Variants in ZNF276 observed in about 807,000 individuals in gnomAD.
The protein encoded by ZNF276 is centromere protein Z.
ZNF276 carries 59 observed loss-of-function variants against 63.9 expected under a neutral mutation model. The observed-to-expected ratio is 0.92, with a 90% confidence interval of 0.75 to 1.15. The LOEUF (loss-of-function observed/expected upper bound fraction) is 1.15. Ranked by LOEUF, ZNF276 falls within the 50% of genes most tolerant of loss-of-function variation. The pLI is 0.00. For synonymous variants in ZNF276, 496 were observed against 348.4 expected (o/e 1.42, Z -4.72); for missense variants, 1,084 against 843.8 (o/e 1.28, Z -3.53).
Position 89,722,794 on chromosome 16 carries a change from G to A in ZNF276, c.469G>A (p.Val157Ile). Residue 157 changes from valine (V) to isoleucine (I), a missense_variant, in exon 2 of 11, where the codon GTC (valine) becomes ATC (isoleucine). By Grantham distance (29) the Val-to-Ile change is conservative (BLOSUM62 3). Coordinates refer to ENST00000443381, the MANE Select transcript of ZNF276 (RefSeq NM_001113525.2). The stretch of plus-strand genomic sequence containing the variant: ...CCTTCTCAAGTCCTTCCTGCAGAGG[G>A]TCAACGCCTCCCCGGCTGGTCGCCG... ...HSLLKSFLQR[V>I]NASPAGRRKP... is the part of the protein sequence containing the mutation. The A allele has an allele frequency of 6.2e-7, 1 of 1,607,308 alleles. No homozygotes were observed. The highest frequency in any genetic ancestry group is 2.2e-5 in the East Asian group (1 of 44,882).
chr16:89,723,937 C>T (rs1267153228), intron 4 of ZNF276, among the ~76,000 whole-genome samples: 1 of 152,238 alleles, frequency 6.6e-6, no homozygotes, highest in African/African-American at 2.4e-5. Flanking sequence ...GGGCTCTGTT[C>T]CAGCAGTTTC....
rs2062084426 is a variant in ZNF276 at position 89,739,904 on chromosome 16, A to T, written c.*1658A>T. ...AGCTTATAAACTTACTTAGCAAGGAACCTCAAGGAGGGCTCGTTCTTAACC... is the reference window on the plus strand; with the variant it reads ...AGCTTATAAACTTACTTAGCAAGGATCCTCAAGGAGGGCTCGTTCTTAACC... On this transcript the variant is annotated 3_prime_UTR_variant, in exon 11 of 11. Coordinates refer to ENST00000443381, the MANE Select transcript of ZNF276 (RefSeq NM_001113525.2). 6.3e-7 allele frequency: 1 copy of T among 1,581,168 alleles called. No individual in the cohort carries two copies. Among genetic ancestry groups the T allele is most frequent in the African/African-American group, 1.4e-5 (1 of 73,774 alleles).
chr16:89,725,601 C>G (rs1011936938), intron 4 of ZNF276, among the ~76,000 whole-genome samples: 1 of 151,926 alleles, frequency 6.6e-6, no homozygotes. Context: ...ACCATCCTGA[C>G]TAACACGGTG....
intron 4 of ZNF276, among the ~76,000 whole-genome samples, chr16:89,724,498 C>T (rs1185459423): frequency 3.9e-5 from 6 of 152,150 alleles, no homozygotes; most frequent in Non-Finnish European, 8.8e-5. Context: ...AATACAAAAA[C>T]TAGCCAGGTA....
At position 89,739,838 on chromosome 16, in the gene ZNF276, C is replaced by A. The variant is rs998766911; in HGVS notation, c.*1592C>A. 1.3e-5 allele frequency: 20 copies of A among 1,494,630 alleles called. No individual in the cohort carries two copies. The Admixed American group carries it at 4.2e-4, about 31-fold the overall frequency. 92.6% of individuals were successfully genotyped at this position (1,494,630 alleles called of 1,614,324 possible). A position where few individuals can be genotyped will look rare whatever the true frequency, so the allele number is the denominator to read the frequency against. ...AGTGAGCCAGTAAATTATCTTATTGCTTTAAACAAGTTTGTGCTTAATCTG... is the reference window on the plus strand; with the variant it reads ...AGTGAGCCAGTAAATTATCTTATTGATTTAAACAAGTTTGTGCTTAATCTG... On this transcript the variant is annotated 3_prime_UTR_variant, in exon 11 of 11. Transcript: ENST00000443381.
intron 1 of ZNF276, 67 bp downstream of exon 1, chr16:89,721,912 C>A: frequency 9.2e-7 from 1 of 1,084,632 alleles, no homozygotes; most frequent in Non-Finnish European, 1.2e-6. Flanking sequence ...AGGAGCCGCA[C>A]TGACGCCCGG....
At chr16:89,737,659 C>A (rs2061983054) in intron 9 of ZNF276, 147 bp from the exon 10 acceptor site, 1 of 1,460,534 alleles carries the variant, frequency 6.8e-7, no homozygotes, top group Non-Finnish European at 9.1e-7. Context: ...TAAACGAGGC[C>A]CTCATAGGCC....
chr16:89,739,072 G>A lies in ZNF276; in HGVS notation c.*826G>A. On this transcript the variant is annotated 3_prime_UTR_variant, in exon 11 of 11. Coordinates refer to ENST00000443381, the MANE Select transcript of ZNF276 (RefSeq NM_001113525.2). The stretch of plus-strand genomic sequence containing the variant: ...GCATGCTGTGCCGGAACATTCTTTG[G>A]CAGAAGGAGCCTCCGGCTGGGGGGA... The A allele has an allele frequency of 6.2e-7, 1 of 1,613,890 alleles. No homozygotes were observed. The highest frequency in any genetic ancestry group is 1.1e-5 in the South Asian group (1 of 91,074).
chr16:89,721,011 C>G, upstream of ZNF276: 1 of 746,272 alleles, frequency 1.3e-6, no homozygotes, highest in Non-Finnish European at 1.8e-6. Context: ...GCCCCCTCCG[C>G]GCGTACTGCG....
In ZNF276 at chr16:89,740,502, G is replaced by A. The variant is rs2062102744; in HGVS notation, c.*2256G>A. 2.1e-6 allele frequency: 1 copy of A among 485,908 alleles called. No homozygotes were observed. The highest frequency in any genetic ancestry group is 3.7e-6 in the Non-Finnish European group (1 of 270,354). 30.1% of individuals were successfully genotyped at this position (485,908 alleles called of 1,614,324 possible). A position where few individuals can be genotyped will look rare whatever the true frequency, so the allele number is the denominator to read the frequency against. On this transcript the variant is annotated 3_prime_UTR_variant, in exon 11 of 11. Transcript: ENST00000443381. ...ATACAAAAATTAGCCGGGTGTGACAGACTCACGCCTGTAATCCCAGCTACT... is the reference window on the plus strand; with the variant it reads ...ATACAAAAATTAGCCGGGTGTGACAAACTCACGCCTGTAATCCCAGCTACT...
chr16:89,731,924 C>G (rs762521743), intron 6 of ZNF276: 1 of 152,138 alleles, frequency 6.6e-6, no homozygotes, highest in Non-Finnish European at 1.5e-5. Context: ...TCTTTGTTTT[C>G]TTTTTCTTGC....
At chr16:89,722,451 C>G in intron 1 of ZNF276, 80 bp from the exon 2 acceptor site, 1 of 1,471,030 alleles carries the variant, frequency 6.8e-7, no homozygotes, top group South Asian at 1.3e-5. Flanking sequence ...CAGGCGCTGC[C>G]CTCGGACCTG....
intron 5 of ZNF276, among the ~76,000 whole-genome samples, chr16:89,728,380 A>C (rs542329160): frequency 6.6e-6 from 1 of 150,474 alleles, no homozygotes; most frequent in East Asian, 2.0e-4. Flanking sequence ...GCCCGCCACC[A>C]CACCCAGCTA....
chr16:89,732,988 C>T (rs1382771297), intron 6 of ZNF276: 1 of 260,660 alleles, frequency 3.8e-6, no homozygotes, highest in East Asian at 8.9e-5. Context: ...TTCGCCCTGA[C>T]CCTGCTGTAC....
chr16:89,740,194 C>T lies in ZNF276; in HGVS notation c.*1948C>T. The T allele has an allele frequency of 1.0e-6, 1 of 996,166 alleles. No homozygotes were observed. Among genetic ancestry groups the T allele is most frequent in the Non-Finnish European group, 1.6e-6 (1 of 618,388 alleles). The allele number at this position is 996,166 out of a possible 1,614,324, so 61.7% of individuals were successfully genotyped here. A position where few individuals can be genotyped will look rare whatever the true frequency, so the allele number is the denominator to read the frequency against. On this transcript the variant is annotated 3_prime_UTR_variant, in exon 11 of 11. Coordinates refer to ENST00000443381, the MANE Select transcript of ZNF276 (RefSeq NM_001113525.2). ...CTCAGCACAGAAGAGGGCATTTCCT[C>T]TTTGCTTATTGTAAGTCTTAAAACT...
chr16:89,723,912 G>C (rs1183671131), intron 4 of ZNF276, among the ~76,000 whole-genome samples: 1 of 152,270 alleles, frequency 6.6e-6, no homozygotes, highest in Admixed American at 6.5e-5. Context: ...TCCGCCTCTT[G>C]CTCCTCTGTG....
At position 89,737,896 on chromosome 16, in the gene ZNF276, A is replaced by G. The variant is rs755288718; in HGVS notation, c.1565A>G (p.Lys522Arg). The change falls in exon 10 of 11, where the codon AAG becomes AGG. Residue 522 changes from lysine (K) to arginine (R), a missense_variant. By Grantham distance (26) the Lys-to-Arg change is conservative. Coordinates refer to ENST00000443381, the MANE Select transcript of ZNF276 (RefSeq NM_001113525.2). ...LVHQMRHSGA[K>R]PLQCEVCGFQ... ...CACCAAATGCGACATTCGGGAGCCA[A>G]GCCTTTGCAGTAAGTGTGAGTCAGG... The G allele has an allele frequency of 6.2e-7, 1 of 1,609,138 alleles. No homozygotes were observed. Among genetic ancestry groups the G allele is most frequent in the South Asian group, 1.1e-5 (1 of 90,780 alleles).
chr16:89,731,077 C>G (rs2061632231), intron 6 of ZNF276, among the ~76,000 whole-genome samples: 1 of 152,214 alleles, frequency 6.6e-6, no homozygotes, highest in African/African-American at 2.4e-5. Context: ...GCCTCCTGTG[C>G]TGAGGAGGTG....
At chr16:89,737,014 G>C (rs1458117245) in intron 9 of ZNF276, among the ~76,000 whole-genome samples, 1 of 152,120 alleles carries the variant, frequency 6.6e-6, no homozygotes, top group Non-Finnish European at 1.5e-5. Context: ...AGGCAGCACA[G>C]GGTGAGTGGG....
Sources: allele counts gnomAD v4.1 joint callset (sites outside exome capture counted in the v4.1 genomes callset), GRCh38; gene constraint gnomAD v4.1.1; transcripts MANE v1.5; gene names NCBI Gene and HGNC (gene_info 2026-07-23, HGNC 2026-07-21).